PLCH2: variants seen among roughly 807,000 people sequenced by gnomAD.
PLCH2 encodes the protein phospholipase C eta 2, also known as 1-phosphatidylinositol 4,5-bisphosphate phosphodiesterase eta-2.
A neutral mutation model predicts 134.7 loss-of-function variants in PLCH2; 98 were observed. The observed-to-expected ratio is 0.73, with a 90% confidence interval of 0.62 to 0.86. The LOEUF is 0.86. Among genes scored for constraint, PLCH2 ranks in the 40% least tolerant of loss-of-function variants. PLCH2 has a pLI of 0.00. For missense variants in PLCH2, 1,994 were observed against 1,986.6 expected (o/e 1.00, Z -0.07); for synonymous variants, 974 against 827.5 (o/e 1.18, Z -3.04).
chr1:2,494,585 G>A (rs1642771329), intron 11 of PLCH2: 2 of 567,126 alleles, frequency 3.5e-6, no homozygotes, highest in Non-Finnish European at 6.3e-6. Flanking sequence ...AGACGCTGAG[G>A]CAGGTGTGAG....
rs774816693 is a variant in PLCH2, at chr1:2,505,115, G to A, written c.4153G>A (p.Val1385Met). Residue 1385 changes from valine to methionine, a missense_variant, in exon 22 of 22, where the codon GTG (valine) becomes ATG (methionine). By Grantham distance (21) the Val-to-Met change is conservative (BLOSUM62 1). Transcript: ENST00000378486. ...ERGTPEGACS[V>M]GHEGSVDAPA... is the part of the protein sequence containing the mutation. ...GGGCACCCCCGAGGGCGCCTGCTCC[G>A]TGGGCCACGAGGGCAGTGTGGATGC... 37 of 1,546,608 alleles carry A rather than the reference G, an allele frequency of 2.4e-5. No homozygotes were observed. In the Middle Eastern group the frequency reaches 1.5e-3, roughly 63 times the overall value.
chr1:2,467,470 G>C (rs1267403389), exon 1 of PLCH2: 1 of 393,208 alleles, frequency 2.5e-6, no homozygotes, highest in African/African-American at 2.1e-5. Flanking sequence ...ACGGGCGGGC[G>C]CGGCAGGGCA....
intron 2 of PLCH2, among the ~76,000 whole-genome samples, chr1:2,438,863 G>T (rs527717541): frequency 2.0e-5 from 3 of 152,198 alleles, no homozygotes; most frequent in Non-Finnish European, 2.9e-5. Context: ...CCTTCAGGGG[G>T]CGCAGCGTGT....
chr1:2,419,914 C>T, the PLCH2 span, among the ~76,000 whole-genome samples: 1 of 152,044 alleles, frequency 6.6e-6, no homozygotes, highest in African/African-American at 2.4e-5. Flanking sequence ...GCACCTGCTG[C>T]CCGTAGTCGG....
upstream of PLCH2, among the ~76,000 whole-genome samples, chr1:2,462,747 G>C (rs1427531173): frequency 6.6e-6 from 1 of 152,098 alleles, no homozygotes; most frequent in East Asian, 1.9e-4. Context: ...CTTTGTGCTG[G>C]GGACACAGCA....
chr1:2,464,069 G>A (rs1464454199), upstream of PLCH2, among the ~76,000 whole-genome samples: 6 of 152,240 alleles, frequency 3.9e-5, no homozygotes, highest in African/African-American at 7.2e-5. Context: ...CGGTGGGATC[G>A]CTCGGCAGCT....
chr1:2,450,807 C>T (rs536279915), intron 2 of PLCH2, among the ~76,000 whole-genome samples: 34 of 145,430 alleles, frequency 2.3e-4, no homozygotes, highest in Middle Eastern at 6.9e-3. Context: ...AGGCCAAGCA[C>T]GTGGGACCCC....
chr1:2,467,454 T>C (rs977545025), upstream of PLCH2: 5 of 333,828 alleles, frequency 1.5e-5, no homozygotes, highest in Admixed American at 1.1e-4. Context: ...CTTCCTCACC[T>C]TCCTCACGGG....
chr1:2,477,539 G>A (rs556541593), intron 1 of PLCH2, among the ~76,000 whole-genome samples: 26 of 152,258 alleles, frequency 1.7e-4, no homozygotes, highest in Admixed American at 1.2e-3. Flanking sequence ...TCTGGGACCC[G>A]GGCTTTCTGT....
rs138167803 is a variant in PLCH2 at position 2,499,663 on chromosome 1, A to G, written c.2604A>G (p.Glu868=). 11,673 of 1,601,982 alleles carry G rather than the reference A, an allele frequency of 7.3e-3. 53 individuals carry two copies. Among genetic ancestry groups the G allele is most frequent in the African/African-American group, 0.024 (1,782 of 74,736 alleles). The change falls in exon 20 of 22, where the codon GAA becomes GAG. Residue 868 remains glutamate (E), a synonymous_variant. Transcript: ENST00000378486. ...MMPGYRHVYL[E]GMEEASIFVH... ...CAGGCTACAGACACGTGTACCTAGA[A>G]GGGATGGAAGAGGCCTCCATCTTCG...
chr1:2,457,848 G>C (rs1038933107), intron 2 of PLCH2, among the ~76,000 whole-genome samples: 5 of 151,164 alleles, frequency 3.3e-5, no homozygotes, highest in Admixed American at 1.3e-4. Flanking sequence ...TTGCCTAATG[G>C]GCAGGCTGCT....
intron 2 of PLCH2, among the ~76,000 whole-genome samples, chr1:2,431,174 C>T (rs2100484835): frequency 6.6e-6 from 1 of 151,522 alleles, no homozygotes; most frequent in Non-Finnish European, 1.5e-5. Context: ...ACACCGCTAT[C>T]TGCCGCTTCT....
chr1:2,477,731 A>T (rs1641710982), intron 1 of PLCH2, among the ~76,000 whole-genome samples: 1 of 151,532 alleles, frequency 6.6e-6, no homozygotes, highest in Non-Finnish European at 1.5e-5. Context: ...AGGGGAGGGG[A>T]GGGGTTGTGA....
intron 20 of PLCH2, chr1:2,500,275 C>T (rs1178119773): frequency 6.1e-6 from 1 of 162,966 alleles, no homozygotes; most frequent in Non-Finnish European, 1.4e-5. Context: ...GCCCAGTGCC[C>T]TCTGGGTCCT....
intron 2 of PLCH2, among the ~76,000 whole-genome samples, chr1:2,459,050 G>T (rs552430733): frequency 9.2e-5 from 14 of 152,236 alleles, no homozygotes; most frequent in Non-Finnish European, 1.6e-4. Context: ...TGCAGACTCA[G>T]CCCCGAATCC....
rs545800859 is a variant in PLCH2, at chr1:2,427,689, C to T, written c.-178+1652C>T. 1.3e-4 allele frequency among the ~76,000 whole-genome samples: 20 copies of T among 152,234 alleles called. No homozygotes were observed. The East Asian group carries it at 3.7e-3, about 28-fold the overall frequency. On this transcript the variant is annotated intron_variant, in intron 1 of 3. Coordinates refer to the PLCH2 transcript ENST00000609981. ...GCAGGCCGGGGCTTGTGGGGGCCTC[C>T]GGTACCTCTGCTGGGAGCTCGCGAT...
chr1:2,452,294 C>G (rs1351486250), intron 2 of PLCH2, among the ~76,000 whole-genome samples: 2 of 152,198 alleles, frequency 1.3e-5, no homozygotes, highest in Non-Finnish European at 2.9e-5. Context: ...CCTGCCGCCC[C>G]CCATCCCCCG....
intron 12 of PLCH2, 22 bp downstream of exon 12, chr1:2,494,970 A>C (rs767345609): frequency 6.5e-7 from 1 of 1,533,304 alleles, no homozygotes; most frequent in Non-Finnish European, 8.8e-7. Flanking sequence ...CTCCCAGGCC[A>C]GGGTCCCGGT....
rs140117490 is a variant in PLCH2, at chr1:2,452,540, G to A, written c.115+21911G>A. 4.1e-3 allele frequency among the ~76,000 whole-genome samples: 630 copies of A among 152,328 alleles called. 4 individuals are homozygous for A. Among genetic ancestry groups the A allele is most frequent in the Non-Finnish European group, 7.6e-3 (516 of 68,016 alleles). ...GCAGGAGGTGAGGGCTGGTGCTGAG[G>A]TGGGGTCCACCTCCCTCCAGCGGCG... On this transcript the variant is annotated intron_variant, in intron 2 of 3. Transcript: ENST00000609981.
Sources: allele counts gnomAD v4.1 joint callset (sites outside exome capture counted in the v4.1 genomes callset), GRCh38; gene constraint gnomAD v4.1.1; transcripts MANE v1.5; gene names NCBI Gene and HGNC (gene_info 2026-07-23, HGNC 2026-07-21).